ZNF512B: variants seen among roughly 807,000 people sequenced by gnomAD.
The protein encoded by ZNF512B is zinc finger protein 512B.
A neutral mutation model predicts 87.8 loss-of-function variants in ZNF512B; 22 were observed. The observed-to-expected ratio is 0.25, with a 90% CI of 0.18 to 0.36. The LOEUF (loss-of-function observed/expected upper bound fraction) is 0.36. Ranked by LOEUF, ZNF512B falls within the 10% of genes least tolerant of loss-of-function variation. ZNF512B has a pLI of 1.00. For synonymous variants in ZNF512B, 524 were observed against 490.9 expected, an observed-to-expected ratio of 1.07 and a Z score of -0.89; for missense variants, 1,060 against 1,231.6, an observed-to-expected ratio of 0.86 and a Z score of 2.09.
chr20:63,962,201 G>A, intron 14 of ZNF512B, 72 bp downstream of exon 14: 1 of 1,485,950 alleles, frequency 6.7e-7, no homozygotes, highest in Non-Finnish European at 9.1e-7. Flanking sequence ...CTCTGTTCCT[G>A]CTCAGAGGGC....
Position 63,961,446 on chromosome 20 carries a change from G to A in ZNF512B, c.2329-39C>T. On this transcript the variant is annotated intron_variant, in intron 15 of 16. Transcript: ENST00000369888. The surrounding 1 kb of genome is among the most constrained non-coding windows in gnomAD (Gnocchi z 6.4). ...GCAGGCCAGTGCCCCAGCCCTTGGAGGACCCAGATCTGTCCTAAGCCCCTA... is the reference window on the plus strand; with the variant it reads ...GCAGGCCAGTGCCCCAGCCCTTGGAAGACCCAGATCTGTCCTAAGCCCCTA... The A allele has an allele frequency of 1.3e-6, 2 of 1,585,940 alleles. No individual in the cohort carries two copies. Among genetic ancestry groups the A allele is most frequent in the Non-Finnish European group, 1.7e-6 (2 of 1,161,798 alleles).
chr20:63,966,269 G>A lies in ZNF512B; in HGVS notation c.906C>T (p.Val302=). The change falls in exon 5 of 17, where the codon GTC becomes GTT. Residue 302 remains valine, a synonymous_variant. Coordinates refer to ENST00000369888, the MANE Select transcript of ZNF512B (RefSeq NM_020713.3). ...GCCTGCTGACTGTCACCGGCTTGCTGACCACAATGGGCCTGCTGACTGTCA... is the reference window on the plus strand; with the variant it reads ...GCCTGCTGACTGTCACCGGCTTGCTAACCACAATGGGCCTGCTGACTGTCA... ...KPVTVSRPIV[V]SKPVTVSRPI... The A allele has an allele frequency of 1.2e-6, 2 of 1,613,880 alleles. No individual in the cohort carries two copies. Among genetic ancestry groups the A allele is most frequent in the Non-Finnish European group, 1.7e-6 (2 of 1,180,006 alleles).
Position 63,960,187 on chromosome 20 carries a change from A to C in ZNF512B, c.2428-48T>G, listed in dbSNP as rs760134869. The C allele has an allele frequency of 1.0e-5, 16 of 1,605,350 alleles. No homozygotes were observed. In the South Asian group the frequency reaches 1.8e-4, roughly 18 times the overall value. On this transcript the variant is annotated intron_variant, in intron 16 of 16. Transcript: ENST00000369888. Reference sequence around the variant, plus strand: ...GAAGACCTGGGACTGGATGCTGAGCACCTGAGCCAGGCATAGCCTGAGAGC... The same window carrying C: ...GAAGACCTGGGACTGGATGCTGAGCCCCTGAGCCAGGCATAGCCTGAGAGC...
Position 63,957,818 on chromosome 20 carries a change from T to TACTCC in ZNF512B, c.*2069_*2070insGGAGT. 1 of 149,810 alleles carries TACTCC rather than the reference T, an allele frequency of 6.7e-6. No individual in the cohort carries two copies. Among genetic ancestry groups the TACTCC allele is most frequent in the South Asian group, 2.1e-4 (1 of 4,694 alleles). 9.3% of individuals were successfully genotyped at this position (149,810 alleles called of 1,614,324 possible). A position where few individuals can be genotyped will look rare whatever the true frequency, so the allele number is the denominator to read the frequency against. On this transcript the variant is annotated 3_prime_UTR_variant, in exon 17 of 17. Transcript: ENST00000369888. ...TGCACCTAGGCCCCCGCCCAGTGCC[T>TACTCC]GCTCCCCTCCCCTCCCCTCCCCTCC...
chr20:63,961,401 G>A lies in ZNF512B; in HGVS notation c.2335C>T (p.His779Tyr). The A allele has an allele frequency of 1.2e-6, 2 of 1,611,710 alleles. No individual in the cohort carries two copies. Among genetic ancestry groups the A allele is most frequent in the Non-Finnish European group, 1.7e-6 (2 of 1,179,930 alleles). ...AHLASCSKGA[H>Y]LAGKYRCLLC... Reference sequence around the variant, plus strand: ...AGACAGCGGTACTTCCCTGCCAGGTGGGCCCCCTGCAATGCATAGGCAGGC... The same window carrying A: ...AGACAGCGGTACTTCCCTGCCAGGTAGGCCCCCTGCAATGCATAGGCAGGC... The change falls in exon 16 of 17, where the codon CAC (histidine) becomes TAC (tyrosine). Residue 779 changes from histidine to tyrosine, a missense_variant. Physicochemically the swap from His to Tyr is moderately conservative, Grantham distance 83. Transcript: ENST00000369888. The surrounding 1 kb of genome is among the most constrained non-coding windows in gnomAD (Gnocchi z 6.4).
chr20:63,964,504 T>G lies in ZNF512B; in HGVS notation c.1247A>C (p.Glu416Ala), dbSNP rs758892526. 5.0e-6 allele frequency: 8 copies of G among 1,612,876 alleles called. No individual in the cohort carries two copies. The East Asian group carries it at 1.8e-4, about 36-fold the overall frequency. The change falls in exon 6 of 17, where the codon GAG becomes GCG. Residue 416 changes from glutamate to alanine, a missense_variant. Physicochemically the swap from Glu to Ala is moderately radical, Grantham distance 107. Transcript: ENST00000369888. Reference sequence around the variant, plus strand: ...TCTCATCTTACTGTGCTTTGTGCGCTCCGGGTCCTCCTCAGGCGGGGACGC... The same window carrying G: ...TCTCATCTTACTGTGCTTTGTGCGCGCCGGGTCCTCCTCAGGCGGGGACGC... ...GPASPPEEDP[E>A]RTKHRRKQKT...
Position 63,967,880 on chromosome 20 carries a change from C to G in ZNF512B, c.71G>C (p.Gly24Ala), listed in dbSNP as rs1601488456. 1 of 1,613,390 alleles carries G rather than the reference C, an allele frequency of 6.2e-7. No homozygotes were observed. The highest frequency in any genetic ancestry group is 1.3e-5 in the African/African-American group (1 of 75,052). Reference protein sequence around the residue: ...GSSKSGPGKDGSRKEVRLPML... With the variant: ...GSSKSGPGKDASRKEVRLPML... ...TGGAAGTCGGACCTCCTTTCGGCTGCCATCCTTCCCGGGACCACTCTTGCT... is the reference window on the plus strand; with the variant it reads ...TGGAAGTCGGACCTCCTTTCGGCTGGCATCCTTCCCGGGACCACTCTTGCT... Residue 24 changes from glycine (G) to alanine (A), a missense_variant, in exon 2 of 17, where the codon GGC (glycine) becomes GCC (alanine). This residue lies in a region of ZNF512B where 134 missense variants were observed against 153.6 expected (regional missense o/e 0.87). Transcript: ENST00000369888.
At position 63,964,696 on chromosome 20, in the gene ZNF512B, G is replaced by C. The variant is rs377196364; in HGVS notation, c.1055C>G (p.Thr352Ser). The change falls in exon 6 of 17, where the codon ACC becomes AGC. Residue 352 changes from threonine to serine, a missense_variant. Physicochemically the swap from Thr to Ser is moderately conservative, Grantham distance 58. Transcript: ENST00000369888. Reference sequence around the variant, plus strand: ...GGCCTGCTTGGGTGGAATTGGGCAGGTGTCCAGGCTGTCCGCAGCCCTGCA... The same window carrying C: ...GGCCTGCTTGGGTGGAATTGGGCAGCTGTCCAGGCTGTCCGCAGCCCTGCA... Reference protein sequence around the residue: ...GKKRAADSLDTCPIPPKQARP... With the variant: ...GKKRAADSLDSCPIPPKQARP... The C allele has an allele frequency of 3.1e-6, 5 of 1,611,384 alleles. No homozygotes were observed. In the African/African-American group the frequency reaches 6.7e-5, roughly 22 times the overall value.
Position 63,967,925 on chromosome 20 carries a change from C to CTG in ZNF512B, c.25_26insCA (p.Gly9AlafsTer84). On this transcript the variant is annotated frameshift_variant, in exon 2 of 17. Coordinates refer to ENST00000369888, the MANE Select transcript of ZNF512B (RefSeq NM_020713.3). LOFTEE classifies it high-confidence loss of function. ...CTTGCTGGACCCCGGGAGCCGACGG[C>CTG]CTCCAACGCAGAAAGGATCCGTCAT... The CTG allele has an allele frequency of 1.2e-6, 2 of 1,612,174 alleles. No homozygotes were observed. Among genetic ancestry groups the CTG allele is most frequent in the Non-Finnish European group, 1.7e-6 (2 of 1,179,166 alleles).
chr20:63,962,204 C>G (rs1223506122), intron 14 of ZNF512B, 69 bp downstream of exon 14: 3 of 1,493,124 alleles, frequency 2.0e-6, no homozygotes, highest in Non-Finnish European at 9.1e-7. Flanking sequence ...TGTTCCTGCT[C>G]AGAGGGCCAC....
Position 63,964,640 on chromosome 20 carries a change from A to T in ZNF512B, c.1111T>A (p.Ser371Thr), listed in dbSNP as rs768004045. The change falls in exon 6 of 17, where the codon TCC becomes ACC. Residue 371 changes from serine to threonine, a missense_variant. Ser to Thr is a moderately conservative substitution (Grantham distance 58, BLOSUM62 1). This residue lies in a region of ZNF512B where 212 missense variants were observed against 207.6 expected (regional missense o/e 1.02). Coordinates refer to ENST00000369888, the MANE Select transcript of ZNF512B (RefSeq NM_020713.3). ...RPENGEYGPSSMGQSSAFQLS... is the reference protein window; with the variant it reads ...RPENGEYGPSTMGQSSAFQLS... ...TGGAAGGCCGAGCTCTGGCCCATGG[A>T]GGAGGGGCCGTACTCCCCATTCTCT... 6.2e-7 allele frequency: 1 copy of T among 1,612,606 alleles called. No homozygotes were observed. Among genetic ancestry groups the T allele is most frequent in the Non-Finnish European group, 8.5e-7 (1 of 1,179,938 alleles).
rs1032334334 is a variant in ZNF512B at position 63,960,038 on chromosome 20, C to T, written c.2529G>A (p.Lys843=). ...EKKKNLAGGK[K]RGRKPKERTP... is the part of the protein sequence containing the mutation. ...TCCGCTCCTTGGGCTTTCGGCCCCGCTTCTTTCCACCTGCCAGATTTTTCT... is the reference window on the plus strand; with the variant it reads ...TCCGCTCCTTGGGCTTTCGGCCCCGTTTCTTTCCACCTGCCAGATTTTTCT... The change falls in exon 17 of 17, where the codon AAG becomes AAA. Residue 843 remains lysine, a synonymous_variant. Transcript: ENST00000369888. The T allele has an allele frequency of 6.2e-7, 1 of 1,613,914 alleles. No homozygotes were observed. Among genetic ancestry groups the T allele is most frequent in the Non-Finnish European group, 8.5e-7 (1 of 1,180,012 alleles).
At chr20:63,962,515 C>A in intron 13 of ZNF512B, 72 bp downstream of exon 13, 1 of 1,558,908 alleles carries the variant, frequency 6.4e-7, no homozygotes, top group African/African-American at 1.4e-5. Context: ...GTGGCTGTCC[C>A]AAGTCTCAGG....
At position 63,967,961 on chromosome 20, in the gene ZNF512B, C is replaced by G; in HGVS notation, c.-2-9G>C. 6.3e-7 allele frequency: 1 copy of G among 1,597,064 alleles called. No individual in the cohort carries two copies. Among genetic ancestry groups the G allele is most frequent in the Non-Finnish European group, 8.6e-7 (1 of 1,167,712 alleles). ...GAAAGGATCCGTCATCTCTGCAGAG[C>G]AAGTAGACAATCTGTGAAGCCTGAC... On this transcript the variant is annotated splice_polypyrimidine_tract_variant and intron_variant, in intron 1 of 16. Transcript: ENST00000369888.
In ZNF512B at chr20:63,966,334, G is replaced by A. The variant is rs775506701; in HGVS notation, c.841C>T (p.Leu281Phe). 3.1e-6 allele frequency: 5 copies of A among 1,595,414 alleles called. No individual in the cohort carries two copies. The African/African-American group carries it at 6.7e-5, about 21-fold the overall frequency. The change falls in exon 5 of 17, where the codon CTT becomes TTT. Residue 281 changes from leucine (L) to phenylalanine (F), a missense_variant. Coordinates refer to ENST00000369888, the MANE Select transcript of ZNF512B (RefSeq NM_020713.3). Reference sequence around the variant, plus strand: ...GGCACGGGTTTCGTAACTGTCACAAGCTTTGTTACCGTAATGGGTTTGGTG... The same window carrying A: ...GGCACGGGTTTCGTAACTGTCACAAACTTTGTTACCGTAATGGGTTTGGTG... Reference protein sequence around the residue: ...PVTKPITVTKLVTVTKPVPVT... With the variant: ...PVTKPITVTKFVTVTKPVPVT...
chr20:63,969,007 G>C (rs757855518), intron 1 of ZNF512B: 27 of 599,822 alleles, frequency 4.5e-5, no homozygotes, highest in Non-Finnish European at 5.4e-5. Context: ...GATCCGAGGG[G>C]ATGGGAAGGG....
At chr20:63,968,839 G>A (rs906348323) in intron 1 of ZNF512B, among the ~76,000 whole-genome samples, 6 of 152,272 alleles carry the variant, frequency 3.9e-5, no homozygotes, top group Admixed American at 6.5e-5. Context: ...TGGGGCCCCC[G>A]AGGGCCTGTG....
In ZNF512B at chr20:63,963,348, G is replaced by A; in HGVS notation, c.1791C>T (p.Pro597=). 1 of 1,541,882 alleles carries A rather than the reference G, an allele frequency of 6.5e-7. No individual in the cohort carries two copies. The highest frequency in any genetic ancestry group is 1.2e-5 in the South Asian group (1 of 84,246). The change falls in exon 11 of 17, where the codon CCC becomes CCT. Residue 597 remains proline (P), a synonymous_variant. Transcript: ENST00000369888. The part of the protein sequence containing the change: ...VLKQMGRLRC[P]QEGCGAAFSS... ...GCCGCGGCCCCCCACTGACCTCCTG[G>A]GGGCAGCGCAGCCGTCCCATCTGCT...
chr20:63,966,449 G>A lies in ZNF512B; in HGVS notation c.726C>T (p.Val242=), dbSNP rs767765521. 3 of 1,614,096 alleles carry A rather than the reference G, an allele frequency of 1.9e-6. No individual in the cohort carries two copies. The South Asian group carries it at 3.3e-5, about 18-fold the overall frequency. ...RPVPVTKPVT[V]SRPMPVTKAM... ...CCTTGGTGACGGGCATGGGCCTGCT[G>A]ACTGTGACAGGTTTGGTGACTGGCA... The change falls in exon 5 of 17, where the codon GTC becomes GTT. Residue 242 remains valine, a synonymous_variant. Transcript: ENST00000369888.
Sources: gnomAD v4.1 joint callset for allele counts (sites outside exome capture counted in the v4.1 genomes callset) on GRCh38, gnomAD v4.1.1 for gene constraint, gnomAD v4.1.1 regional missense constraint, Gnocchi (gnomAD v3.1) non-coding constraint, MANE v1.5 for transcripts, NCBI Gene and HGNC (gene_info 2026-07-23, HGNC 2026-07-21) for gene names.